The following CDH12 variants were observed in gnomAD, a reference collection of about 807,000 sequenced individuals.
The protein encoded by CDH12 is cadherin 12.
Under a neutral mutation model 74.1 loss-of-function variants are expected in CDH12, and 41 were observed. The observed-to-expected ratio is 0.55, with a 90% confidence interval of 0.43 to 0.72. CDH12 has a LOEUF of 0.72. CDH12 is among the 30% of genes least tolerant of loss of function. CDH12 has a pLI of 0.00. For missense variants in CDH12, 945 were observed against 977.2 expected, an observed-to-expected ratio of 0.97 and a Z score of 0.44; for synonymous variants, 399 against 355.0, an observed-to-expected ratio of 1.12 and a Z score of -1.39.
chr5:22,219,733 T>C (rs983026174), intron 3 of CDH12, among the ~76,000 whole-genome samples: 2 of 151,626 alleles, frequency 1.3e-5, no homozygotes, highest in African/African-American at 2.4e-5. Flanking sequence ...AGGATTGCAA[T>C]GACACACCAG....
intron 6 of CDH12, among the ~76,000 whole-genome samples, chr5:21,943,333 T>C (rs1239949654): frequency 2.0e-5 from 3 of 152,264 alleles, no homozygotes; most frequent in Non-Finnish European, 4.4e-5. Context: ...GTAAAATTTT[T>C]ACTTACATTT....
chr5:22,325,737 A>C (rs969566576), intron 3 of CDH12, among the ~76,000 whole-genome samples: 1 of 151,992 alleles, frequency 6.6e-6, no homozygotes, highest in African/African-American at 2.4e-5. Flanking sequence ...ATACAAAAAA[A>C]ATCTACTAAA....
chr5:21,883,201 G>C, intron 6 of CDH12: 1 of 1,397,548 alleles, frequency 7.2e-7, no homozygotes, highest in Non-Finnish European at 1.0e-6. Flanking sequence ...GTAAAGGATG[G>C]AAAAACACTG....
At chr5:21,957,388 GTC>G (rs1244734638) in intron 6 of CDH12, among the ~76,000 whole-genome samples, 2 of 152,216 alleles carry the variant, frequency 1.3e-5, no homozygotes, top group African/African-American at 4.8e-5. Flanking sequence ...GTGTGCATGT[GTC>G]TTTATGGTAG....
At chr5:21,803,925 G>A (rs1408468364) in intron 9 of CDH12, among the ~76,000 whole-genome samples, 2 of 152,004 alleles carry the variant, frequency 1.3e-5, no homozygotes, top group Non-Finnish European at 2.9e-5. Flanking sequence ...TTAAATCTTC[G>A]AAAACTCACA....
intron 4 of CDH12, among the ~76,000 whole-genome samples, chr5:22,128,031 A>G (rs2150283764): frequency 6.6e-6 from 1 of 152,062 alleles, no homozygotes; most frequent in Non-Finnish European, 1.5e-5. Context: ...GTTGTGACCT[A>G]CTGTTCATTA....
intron 1 of CDH12, among the ~76,000 whole-genome samples, chr5:22,520,328 C>G (rs1209885477): frequency 6.6e-6 from 1 of 152,022 alleles, no homozygotes; most frequent in Non-Finnish European, 1.5e-5. Flanking sequence ...GGTAGAGTTG[C>G]ATAATATAAT....
chr5:22,377,863 A>C (rs1360684610), intron 3 of CDH12, among the ~76,000 whole-genome samples: 1 of 152,162 alleles, frequency 6.6e-6, no homozygotes, highest in African/African-American at 2.4e-5. Flanking sequence ...GGTAATGACA[A>C]AGGTGATTTA....
intron 7 of CDH12, among the ~76,000 whole-genome samples, chr5:21,848,465 G>A (rs534736271): frequency 9.9e-5 from 15 of 152,092 alleles, no homozygotes; most frequent in African/African-American, 3.1e-4. Context: ...AGTTATGAGA[G>A]AGCAGATTTT....
intron 2 of CDH12, among the ~76,000 whole-genome samples, chr5:22,425,218 A>C (rs1269527741): frequency 6.9e-6 from 1 of 145,644 alleles, no homozygotes; most frequent in Non-Finnish European, 1.5e-5. Context: ...AATGCATAGG[A>C]TTCCATGATA....
intron 2 of CDH12, among the ~76,000 whole-genome samples, chr5:22,480,034 T>G (rs1746322747): frequency 6.6e-6 from 1 of 152,168 alleles, no homozygotes; most frequent in African/African-American, 2.4e-5. Context: ...TTTCTATCAA[T>G]TTAGAAAAGA....
At chr5:22,107,720 T>C (rs1744561465) in intron 4 of CDH12, among the ~76,000 whole-genome samples, 1 of 152,124 alleles carries the variant, frequency 6.6e-6, no homozygotes, top group South Asian at 2.1e-4. Context: ...GGGCAGGGGA[T>C]AATATACATC....
intron 1 of CDH12, among the ~76,000 whole-genome samples, chr5:22,543,712 G>A (rs532792722): frequency 1.5e-4 from 23 of 152,258 alleles, no homozygotes; most frequent in African/African-American, 5.5e-4. Context: ...CTGAACCACA[G>A]TGATCTTACA....
At chr5:22,452,007 A>T (rs907976719) in intron 2 of CDH12, among the ~76,000 whole-genome samples, 21 of 151,954 alleles carry the variant, frequency 1.4e-4, no homozygotes, top group Non-Finnish European at 2.4e-4. Context: ...CTAAGAATGC[A>T]TTTAACCAAT....
intron 1 of CDH12, among the ~76,000 whole-genome samples, chr5:22,754,984 C>A (rs759703423): frequency 1.3e-4 from 20 of 152,116 alleles, no homozygotes; most frequent in Non-Finnish European, 2.4e-4. Flanking sequence ...CAGTCTCTAA[C>A]CCATATTTTT....
At chr5:22,145,617 G>A (rs577618401) in intron 4 of CDH12, among the ~76,000 whole-genome samples, 1 of 152,056 alleles carries the variant, frequency 6.6e-6, no homozygotes, top group South Asian at 2.1e-4. Flanking sequence ...AGAAATATGG[G>A]TATATAGAAA....
chr5:22,363,844 T>A (rs13185812), intron 3 of CDH12, among the ~76,000 whole-genome samples: 51,617 of 152,182 alleles, frequency 0.34, 10,259 homozygotes, highest in Admixed American at 0.46. Flanking sequence ...AACCTGATCA[T>A]CTGTTCTTAG....
chr5:22,107,988 T>C (rs1283290684), intron 4 of CDH12, among the ~76,000 whole-genome samples: 6 of 152,202 alleles, frequency 3.9e-5, no homozygotes, highest in Non-Finnish European at 8.8e-5. Flanking sequence ...TAATGTTCAG[T>C]AATAGCATGG....
At chr5:22,488,980 C>T (rs1401371303) in intron 2 of CDH12, among the ~76,000 whole-genome samples, 3 of 150,616 alleles carry the variant, frequency 2.0e-5, no homozygotes, top group African/African-American at 7.3e-5. Context: ...TTTTAAAAAT[C>T]CTGGTACCCT....
Sources: gnomAD v4.1 joint callset for allele counts (sites outside exome capture counted in the v4.1 genomes callset) on GRCh38, gnomAD v4.1.1 for gene constraint, MANE v1.5 for transcripts, NCBI Gene and HGNC (gene_info 2026-07-23, HGNC 2026-07-21) for gene names.